The following BAIAP2 variants were observed in gnomAD, a reference collection of about 807,000 sequenced individuals.
BAIAP2 encodes BAR/IMD domain containing adaptor protein 2.
A neutral mutation model predicts 63.0 loss-of-function variants in BAIAP2; 18 were observed. That is an observed-to-expected ratio of 0.29 (90% CI 0.20 to 0.42). BAIAP2 has a LOEUF of 0.42. BAIAP2 is among the 10% of genes least tolerant of loss of function. BAIAP2 has a pLI of 1.00. For synonymous variants in BAIAP2, 386 were observed against 307.6 expected (o/e 1.25, Z -2.67); for missense variants, 610 against 734.3 (o/e 0.83, Z 1.96).
chr17:81,106,550 C>G (rs540074263), intron 11 of BAIAP2, among the ~76,000 whole-genome samples, 195 bp from the exon 12 acceptor site: 1 of 152,216 alleles, frequency 6.6e-6, no homozygotes, highest in Admixed American at 6.5e-5. Flanking sequence ...CCCGGCTTAG[C>G]TTCATGGCCA....
At chr17:81,082,395 C>T (rs1480190843) in intron 3 of BAIAP2, among the ~76,000 whole-genome samples, 2 of 152,154 alleles carry the variant, frequency 1.3e-5, no homozygotes, top group Non-Finnish European at 2.9e-5. Context: ...GTGGCCAGGC[C>T]CAGGCATGTC....
intron 1 of BAIAP2, among the ~76,000 whole-genome samples, chr17:81,035,629 C>T (rs1392246897): frequency 3.3e-5 from 5 of 151,058 alleles, no homozygotes; most frequent in Admixed American, 6.6e-5. Context: ...CTCGCCTTGG[C>T]GTCGGCGGGA....
At chr17:81,095,290 C>T (rs2057436587) in intron 6 of BAIAP2, among the ~76,000 whole-genome samples, 1 of 152,194 alleles carries the variant, frequency 6.6e-6, no homozygotes, top group East Asian at 1.9e-4. Flanking sequence ...CCAGGCCGTG[C>T]TCTGTCCCCT....
chr17:81,088,122 G>A (rs1054212815), intron 6 of BAIAP2, among the ~76,000 whole-genome samples: 1 of 152,080 alleles, frequency 6.6e-6, no homozygotes, highest in Admixed American at 6.5e-5. Context: ...CTGAAGACAA[G>A]CAGCGGACGG....
intron 3 of BAIAP2, among the ~76,000 whole-genome samples, chr17:81,076,776 C>T (rs1236441313): frequency 6.6e-6 from 1 of 152,084 alleles, no homozygotes; most frequent in African/African-American, 2.4e-5. Flanking sequence ...CAAGACCAGC[C>T]TGGGCAACAT....
At chr17:81,102,430 G>T (rs12601810) in intron 7 of BAIAP2, among the ~76,000 whole-genome samples, 114,911 of 152,176 alleles carry the variant, frequency 0.76, 43,650 homozygotes, top group Middle Eastern at 0.86. Context: ...ACGTTCTGAA[G>T]GGCCACAAAG....
intron 3 of BAIAP2, among the ~76,000 whole-genome samples, chr17:81,069,052 G>T (rs1026704547): frequency 1.3e-5 from 2 of 152,176 alleles, no homozygotes. Flanking sequence ...GGCAGGGGCT[G>T]GGCTTAGAAG....
At chr17:81,084,921 G>T in intron 4 of BAIAP2, 28 bp downstream of exon 4, 1 of 1,611,808 alleles carries the variant, frequency 6.2e-7, no homozygotes, top group Non-Finnish European at 8.5e-7. Flanking sequence ...GTGGCCCTGC[G>T]AGGAGGGGCA....
chr17:81,054,459 GGTGTAGC>G (rs954077456), intron 2 of BAIAP2, among the ~76,000 whole-genome samples: 4 of 152,170 alleles, frequency 2.6e-5, no homozygotes, highest in Non-Finnish European at 5.9e-5. Context: ...TCTGAGTGAA[GGTGTAGC>G]CCATGCATTC....
At chr17:81,090,276 C>T (rs1264349856) in intron 6 of BAIAP2, among the ~76,000 whole-genome samples, 1 of 152,232 alleles carries the variant, frequency 6.6e-6, no homozygotes, top group Non-Finnish European at 1.5e-5. Context: ...CTTCTGAGCA[C>T]TGACGGGAAG....
chr17:81,041,774 G>A (rs1472551579), intron 1 of BAIAP2, among the ~76,000 whole-genome samples: 1 of 152,044 alleles, frequency 6.6e-6, no homozygotes, highest in Non-Finnish European at 1.5e-5. Context: ...ATTTTTCCAT[G>A]TTCGTCAGGC....
chr17:81,101,297 C>T (rs537481543), intron 7 of BAIAP2, among the ~76,000 whole-genome samples: 66 of 152,220 alleles, frequency 4.3e-4, no homozygotes, highest in African/African-American at 1.5e-3. Context: ...CCATGGATAT[C>T]CTGAGCCCCG....
chr17:81,054,861 C>G (rs2049210360), intron 2 of BAIAP2, among the ~76,000 whole-genome samples: 1 of 152,140 alleles, frequency 6.6e-6, no homozygotes, highest in Non-Finnish European at 1.5e-5. Context: ...CGCCAGATGC[C>G]CTTCTCACCT....
At chr17:81,040,255 T>C (rs1176345811) in intron 1 of BAIAP2, among the ~76,000 whole-genome samples, 1 of 152,248 alleles carries the variant, frequency 6.6e-6, no homozygotes, top group Admixed American at 6.5e-5. Flanking sequence ...AGCATCTTTG[T>C]GGCTGCACAG....
intron 6 of BAIAP2, chr17:81,098,123 C>T (rs971463986): frequency 3.0e-5 from 43 of 1,424,194 alleles, no homozygotes; most frequent in Admixed American, 1.5e-4. Context: ...GAGGCATGCT[C>T]CTCCCAGAGG....
At chr17:81,071,904 C>T (rs901752028) in intron 3 of BAIAP2, among the ~76,000 whole-genome samples, 1 of 152,264 alleles carries the variant, frequency 6.6e-6, no homozygotes, top group Non-Finnish European at 1.5e-5. Context: ...CCGGAGCATG[C>T]AGGTCTATGC....
Position 81,098,325 on chromosome 17 carries a change from C to A in BAIAP2, c.490-1603C>A, listed in dbSNP as rs926320458. 1.2e-5 allele frequency: 7 copies of A among 589,998 alleles called. No homozygotes were observed. In the South Asian group the frequency reaches 5.8e-4, roughly 49 times the overall value. 36.5% of individuals were successfully genotyped at this position (589,998 alleles called of 1,614,324 possible). ...TCTTCGCCACTCTCTCCCCCAAACT[C>A]CCCCTCTCCAGTTTCCTCCCGAGGC... is the stretch of plus-strand genomic sequence containing the variant. On this transcript the variant is annotated intron_variant, in intron 6 of 13. Transcript: ENST00000428708.
intron 6 of BAIAP2, among the ~76,000 whole-genome samples, chr17:81,089,381 G>A (rs1175310697): frequency 1.3e-5 from 2 of 152,234 alleles, no homozygotes; most frequent in African/African-American, 2.4e-5. Context: ...GCGGTGACTC[G>A]AGGGGCCTTG....
chr17:81,106,264 C>T (rs1429629516), intron 11 of BAIAP2, 118 bp downstream of exon 11: 6 of 1,083,760 alleles, frequency 5.5e-6, no homozygotes, highest in South Asian at 3.0e-5. Context: ...TCTGCTACCG[C>T]AGGGCCATCC....
Sources: gnomAD v4.1 joint callset for allele counts (sites outside exome capture counted in the v4.1 genomes callset) on GRCh38, gnomAD v4.1.1 for gene constraint, MANE v1.5 for transcripts, NCBI Gene and HGNC (gene_info 2026-07-23, HGNC 2026-07-21) for gene names.